The following UGT1A10 variants were observed in gnomAD, a reference collection of about 807,000 sequenced individuals.
UGT1A10 encodes UDP-glucuronosyltransferase 1A10.
Under a neutral mutation model 45.8 loss-of-function variants are expected in UGT1A10, and 49 were observed. The observed-to-expected ratio is 1.07, with a 90% CI of 0.85 to 1.36. The LOEUF (loss-of-function observed/expected upper bound fraction) is 1.36. UGT1A10 is among the 40% of genes most tolerant of loss of function. UGT1A10 has a pLI of 0.00. For synonymous variants in UGT1A10, 284 were observed against 249.7 expected (o/e 1.14, Z -1.29); for missense variants, 745 against 668.6 (o/e 1.11, Z -1.26).
chr2:233,718,192 C>T (rs1341668137), intron 1 of UGT1A10, among the ~76,000 whole-genome samples: 5 of 152,272 alleles, frequency 3.3e-5, no homozygotes, highest in South Asian at 2.1e-4. Flanking sequence ...TCAGCCTCCC[C>T]GGAGCTTTTT....
chr2:233,652,273 T>C (rs2073760454), intron 1 of UGT1A10, among the ~76,000 whole-genome samples: 1 of 152,216 alleles, frequency 6.6e-6, no homozygotes, highest in South Asian at 2.1e-4. Flanking sequence ...TTCAACTTTT[T>C]TTTGTCAAAG....
At chr2:233,730,261 T>C (rs1457802984) in intron 1 of UGT1A10, among the ~76,000 whole-genome samples, 1 of 152,074 alleles carries the variant, frequency 6.6e-6, no homozygotes, top group East Asian at 1.9e-4. Context: ...ATAGAGACTG[T>C]TGGTTTGTAA....
chr2:233,647,990 G>C (rs918226208), intron 1 of UGT1A10: 10 of 1,607,548 alleles, frequency 6.2e-6, no homozygotes, highest in Non-Finnish European at 8.5e-6. Flanking sequence ...ATTCTCAGGG[G>C]GCATGAGGTG....
chr2:233,648,860 T>C, intron 1 of UGT1A10: 1 of 1,229,070 alleles, frequency 8.1e-7, no homozygotes, highest in Non-Finnish European at 1.2e-6. Context: ...GCCTTAAACA[T>C]AGCCTCTGAA....
At position 233,636,789 on chromosome 2, in the gene UGT1A10, A is replaced by T. The variant is rs1323959873; in HGVS notation, c.267A>T (p.Glu89Asp). ...TSYTLEDQNREFMVFAHAQWK... is the reference protein window; with the variant it reads ...TSYTLEDQNRDFMVFAHAQWK... ...ACACTCTGGAAGATCAGAACCGGGA[A>T]TTCATGGTTTTCGCCCATGCTCAAT... is the stretch of plus-strand genomic sequence containing the variant. Residue 89 changes from glutamate (E) to aspartate (D), a missense_variant, in exon 1 of 5, where the codon GAA (glutamate) becomes GAT (aspartate). Glu to Asp is a conservative substitution (Grantham distance 45). Transcript: ENST00000344644. The T allele has an allele frequency of 6.2e-7, 1 of 1,614,098 alleles. No individual in the cohort carries two copies. Among genetic ancestry groups the T allele is most frequent in the Non-Finnish European group, 8.5e-7 (1 of 1,180,042 alleles).
intron 1 of UGT1A10, chr2:233,693,935 C>T (rs2075189717): frequency 6.2e-7 from 1 of 1,605,500 alleles, no homozygotes; most frequent in Non-Finnish European, 8.5e-7. Flanking sequence ...TCATTTGGCT[C>T]CTTGAGCCGA....
At chr2:233,692,459 C>T (rs2075095926) in intron 1 of UGT1A10, 1 of 156,816 alleles carries the variant, frequency 6.4e-6, no homozygotes, top group Admixed American at 6.0e-5. Context: ...CTACTACTTG[C>T]AATTGGTGTC....
Position 233,712,920 on chromosome 2 carries a change from T to C in UGT1A10, c.856-54114T>C. ...GCTAGGTGTCTCAGTGACAAGGTAA[T>C]TAAGACGAAGGAAACAATTCTAGGA... On this transcript the variant is annotated intron_variant, in intron 1 of 4. Transcript: ENST00000344644. 3 of 1,611,826 alleles carry C rather than the reference T, an allele frequency of 1.9e-6. No individual in the cohort carries two copies. The South Asian group carries it at 3.3e-5, about 18-fold the overall frequency.
intron 1 of UGT1A10, among the ~76,000 whole-genome samples, chr2:233,657,531 C>T (rs1027225960): frequency 2.0e-5 from 3 of 152,200 alleles, no homozygotes; most frequent in East Asian, 1.9e-4. Context: ...CACCCATTAT[C>T]GGGAAAAACA....
At chr2:233,721,825 G>T in intron 1 of UGT1A10, 1 of 515,562 alleles carries the variant, frequency 1.9e-6, no homozygotes, top group Non-Finnish European at 3.9e-6. Context: ...ACCCTATTTG[G>T]GCCACCGACC....
At chr2:233,703,008 A>T (rs1220956352) in intron 1 of UGT1A10, among the ~76,000 whole-genome samples, 1 of 152,230 alleles carries the variant, frequency 6.6e-6, no homozygotes, top group Admixed American at 6.5e-5. Context: ...TTTTGGGAAC[A>T]GTCTGTCAAG....
At chr2:233,717,042 C>A (rs1248182808) in intron 1 of UGT1A10, among the ~76,000 whole-genome samples, 1 of 152,282 alleles carries the variant, frequency 6.6e-6, no homozygotes, top group South Asian at 2.1e-4. Context: ...GATACATGGG[C>A]CTCCGCAGGG....
intron 1 of UGT1A10, among the ~76,000 whole-genome samples, chr2:233,752,728 G>C (rs546811491): frequency 1.3e-5 from 2 of 152,320 alleles, no homozygotes; most frequent in South Asian, 4.1e-4. Flanking sequence ...AACAGCTACA[G>C]AGAGAGACCC....
intron 1 of UGT1A10, chr2:233,729,350 T>A (rs751106111): frequency 2.5e-6 from 4 of 1,614,098 alleles, no homozygotes; most frequent in Non-Finnish European, 3.4e-6. Context: ...GAGAACTTTT[T>A]CACCCTGACA....
rs45510694 is a variant in UGT1A10, at chr2:233,718,970, G to C, written c.856-48064G>C. ...TCAGCATGCGGGAGGCCTTGCGGGA[G>C]CTCCATGCCAGAGGCCACCAGGCGG... On this transcript the variant is annotated intron_variant, in intron 1 of 4. Coordinates refer to ENST00000344644, the MANE Select transcript of UGT1A10 (RefSeq NM_019075.4). 4.6e-4 allele frequency: 737 copies of C among 1,614,150 alleles called. 2 individuals are homozygous for C. Among genetic ancestry groups the C allele is most frequent in the Middle Eastern group, 3.8e-3 (23 of 6,058 alleles).
chr2:233,651,898 G>A (rs2073751413), intron 1 of UGT1A10, among the ~76,000 whole-genome samples: 1 of 152,064 alleles, frequency 6.6e-6, no homozygotes, highest in Non-Finnish European at 1.5e-5. Context: ...AACTCATTGA[G>A]TCTATCCAGG....
In UGT1A10 at chr2:233,754,158, G is replaced by A. The variant is rs28900389; in HGVS notation, c.856-12876G>A. 9.6e-3 allele frequency: 1,492 copies of A among 156,116 alleles called. 22 individuals carry two copies. The highest frequency in any genetic ancestry group is 0.034 in the African/African-American group (1,420 of 41,562). 9.7% of individuals were successfully genotyped at this position (156,116 alleles called of 1,614,324 possible). A position where few individuals can be genotyped will look rare whatever the true frequency, so the allele number is the denominator to read the frequency against. On this transcript the variant is annotated intron_variant, in intron 1 of 4. Transcript: ENST00000344644. The stretch of plus-strand genomic sequence containing the variant: ...AAAGCCATCATTAAATTAAGCCAGA[G>A]TATTAATATATTCATAGATTTCACC...
intron 1 of UGT1A10, among the ~76,000 whole-genome samples, chr2:233,669,224 A>G (rs2074133988): frequency 6.6e-6 from 1 of 151,858 alleles, no homozygotes; most frequent in Non-Finnish European, 1.5e-5. Context: ...GATTTGTAAT[A>G]AGTCTTGAAA....
intron 1 of UGT1A10, chr2:233,671,790 A>G: frequency 7.1e-7 from 1 of 1,414,712 alleles, no homozygotes; most frequent in Non-Finnish European, 9.2e-7. Context: ...TTTTGGGTAA[A>G]TCATTGTCAG....
Sources: allele counts gnomAD v4.1 joint callset (sites outside exome capture counted in the v4.1 genomes callset), GRCh38; gene constraint gnomAD v4.1.1; transcripts MANE v1.5; gene names NCBI Gene and HGNC (gene_info 2026-07-23, HGNC 2026-07-21).